Variants in NEDD1 observed in about 807,000 individuals in gnomAD.
The protein encoded by NEDD1 is NEDD1 gamma-tubulin ring complex targeting factor.
In NEDD1, 33 loss-of-function variants were observed where a neutral mutation model predicts 74.0. The observed-to-expected ratio is 0.45, with a 90% confidence interval of 0.34 to 0.60. NEDD1 has a LOEUF of 0.60. Among genes scored for constraint, NEDD1 ranks in the 20% least tolerant of loss-of-function variants. The probability of loss-of-function intolerance (pLI) is 0.01; values close to 1 mark genes in which losing one functional copy is unlikely to be tolerated. For missense variants in NEDD1, 746 were observed against 776.5 expected (o/e 0.96, Z 0.47); for synonymous variants, 250 against 264.4 (o/e 0.95, Z 0.53).
chr12:96,922,986 G>A (rs1315109891), intron 6 of NEDD1, among the ~76,000 whole-genome samples: 4 of 152,124 alleles, frequency 2.6e-5, no homozygotes, highest in Non-Finnish European at 4.4e-5. Flanking sequence ...GCATGGTGGT[G>A]CATGCCAGTA....
At chr12:96,912,330 G>A (rs1047148864) in intron 3 of NEDD1, among the ~76,000 whole-genome samples, 3 of 151,716 alleles carry the variant, frequency 2.0e-5, no homozygotes, top group Non-Finnish European at 4.4e-5. Flanking sequence ...TTGTTACCAA[G>A]CACTAGGTTA....
In NEDD1 at chr12:96,945,860, A is replaced by T; in HGVS notation, c.1811+11A>T. ...GTTGGATGACTTTAGGTAGTAATTG[A>T]GAAACTACTCCTTCTATCTAGACCT... is the stretch of plus-strand genomic sequence containing the variant. On this transcript the variant is annotated intron_variant, in intron 14 of 15. Coordinates refer to ENST00000266742, the MANE Select transcript of NEDD1 (RefSeq NM_152905.4). 6.4e-7 allele frequency: 1 copy of T among 1,564,768 alleles called. No homozygotes were observed. The highest frequency in any genetic ancestry group is 8.8e-7 in the Non-Finnish European group (1 of 1,137,618).
At chr12:96,907,404 G>T (rs1054846835) in intron 1 of NEDD1, 104 bp downstream of exon 1, 1 of 486,174 alleles carries the variant, frequency 2.1e-6, no homozygotes, top group Middle Eastern at 5.4e-4. Flanking sequence ...GCGGGGCGGC[G>T]GTCCTTGGGC....
At position 96,907,777 on chromosome 12, in the gene NEDD1, A is replaced by G; in HGVS notation, c.-88A>G. On this transcript the variant is annotated 5_prime_UTR_variant, in exon 2 of 16. Coordinates refer to ENST00000266742, the MANE Select transcript of NEDD1 (RefSeq NM_152905.4). Reference sequence around the variant, plus strand: ...GCCGACGTTACCGCCTTGTGTCCTGACTGCTAGCTTTCGACGGGACCGTCT... The same window carrying G: ...GCCGACGTTACCGCCTTGTGTCCTGGCTGCTAGCTTTCGACGGGACCGTCT... 1.3e-6 allele frequency: 2 copies of G among 1,515,442 alleles called. No individual in the cohort carries two copies. The highest frequency in any genetic ancestry group is 8.9e-7 in the Non-Finnish European group (1 of 1,129,140). The allele number at this position is 1,515,442 out of a possible 1,614,324, so 93.9% of individuals were successfully genotyped here. A position where few individuals can be genotyped will look rare whatever the true frequency, so the allele number is the denominator to read the frequency against.
intron 4 of NEDD1, among the ~76,000 whole-genome samples, chr12:96,914,223 A>G (rs1199089770): frequency 6.6e-6 from 1 of 152,242 alleles, no homozygotes. Context: ...AAAACTTGTT[A>G]ATGTCAACAT....
chr12:96,929,781 TGGC>T (rs200755650), intron 6 of NEDD1, among the ~76,000 whole-genome samples: 3,843 of 152,196 alleles, frequency 0.025, 99 homozygotes, highest in African/African-American at 0.065. Flanking sequence ...GGACACACTT[TGGC>T]TGGTCAGTTT....
At chr12:96,932,556 G>C in intron 6 of NEDD1, among the ~76,000 whole-genome samples, 1 of 105,008 alleles carries the variant, frequency 9.5e-6, no homozygotes, top group Non-Finnish European at 2.1e-5. Context: ...GTAAATCAGT[G>C]TTTTGTTTAT....
intron 14 of NEDD1, among the ~76,000 whole-genome samples, chr12:96,946,081 C>G (rs1201919895): frequency 2.0e-5 from 3 of 152,040 alleles, no homozygotes; most frequent in Non-Finnish European, 2.9e-5. Context: ...GCAGGGCAGT[C>G]TAGCAGGTAG....
rs765461360 is a variant in NEDD1, at chr12:96,909,776, G to T, written c.17G>T (p.Arg6Ile). The change falls in exon 3 of 16, where the codon AGA becomes ATA. Residue 6 changes from arginine (R) to isoleucine (I), a missense_variant. Around this residue, in one of 3 missense-constraint regions of NEDD1, gnomAD observed 11 missense variants for 19.0 expected, o/e 0.58. Transcript: ENST00000266742. Reference protein sequence around the residue: MQENLRFASSGDDIKI... With the variant: MQENLIFASSGDDIKI... ...GGCGCAGTCATGCAGGAAAACCTCA[G>T]ATTTGCTTCATCAGGAGATGATATT... The T allele has an allele frequency of 6.2e-7, 1 of 1,612,966 alleles. No homozygotes were observed. The highest frequency in any genetic ancestry group is 1.7e-5 in the Admixed American group (1 of 59,910).
intron 9 of NEDD1, among the ~76,000 whole-genome samples, 170 bp from the exon 10 acceptor site, chr12:96,940,239 A>G (rs1033546718): frequency 6.6e-6 from 1 of 151,158 alleles, no homozygotes; most frequent in Non-Finnish European, 1.5e-5. Context: ...TTATTGTTCC[A>G]TGAAAATCCT....
chr12:96,912,827 T>A lies in NEDD1; in HGVS notation c.231+10T>A. ...AGAGCTTGCTGAAGGGGTAAGTGATTTTTTTTTTTTTTAAACTTTTAAAAA... is the reference window on the plus strand; with the variant it reads ...AGAGCTTGCTGAAGGGGTAAGTGATATTTTTTTTTTTTAAACTTTTAAAAA... On this transcript the variant is annotated intron_variant, in intron 4 of 15. Coordinates refer to ENST00000266742, the MANE Select transcript of NEDD1 (RefSeq NM_152905.4). 1 of 1,246,704 alleles carries A rather than the reference T, an allele frequency of 8.0e-7. No homozygotes were observed. Among genetic ancestry groups the A allele is most frequent in the Non-Finnish European group, 1.1e-6 (1 of 895,098 alleles). The allele number at this position is 1,246,704 out of a possible 1,614,324, so 77.2% of individuals were successfully genotyped here. A position where few individuals can be genotyped will look rare whatever the true frequency, so the allele number is the denominator to read the frequency against.
chr12:96,917,548 T>C, intron 4 of NEDD1, 73 bp from the exon 5 acceptor site: 1 of 1,424,760 alleles, frequency 7.0e-7, no homozygotes, highest in Non-Finnish European at 9.2e-7. Context: ...GCTTACTAAG[T>C]GTTGGATGAG....
At chr12:96,923,312 A>C (rs927710900) in intron 6 of NEDD1, among the ~76,000 whole-genome samples, 2 of 151,946 alleles carry the variant, frequency 1.3e-5, no homozygotes, top group Non-Finnish European at 2.9e-5. Flanking sequence ...CAAGGTAGCT[A>C]CTGTGAATAT....
At chr12:96,947,591 A>G (rs1002736636) in intron 14 of NEDD1, among the ~76,000 whole-genome samples, 2 of 152,200 alleles carry the variant, frequency 1.3e-5, no homozygotes, top group African/African-American at 4.8e-5. Flanking sequence ...TTTGGGTGTC[A>G]GTTCACCACT....
intron 9 of NEDD1, among the ~76,000 whole-genome samples, chr12:96,937,834 C>T (rs546618138): frequency 1.3e-5 from 2 of 151,844 alleles, no homozygotes; most frequent in East Asian, 1.9e-4. Flanking sequence ...ATGTAATTGG[C>T]GAAACAGTTC....
chr12:96,952,730 T>C lies in NEDD1; in HGVS notation c.*677T>C, dbSNP rs1441972834. On this transcript the variant is annotated 3_prime_UTR_variant, in exon 16 of 16. Transcript: ENST00000266742. ...AAGATATCTTTACCTATAAAAAATG[T>C]TTAAGGTTCATAGGACTCGACAAGA... The C allele has an allele frequency of 5.3e-5, 8 of 151,708 alleles. No homozygotes were observed. The highest frequency in any genetic ancestry group is 1.0e-4 in the Non-Finnish European group (7 of 67,690). The allele number at this position is 151,708 out of a possible 1,614,324, so 9.4% of individuals were successfully genotyped here.
At position 96,909,911 on chromosome 12, in the gene NEDD1, A is replaced by AC. The variant is rs749424865; in HGVS notation, c.136+16_136+17insC. 3.3e-5 allele frequency: 52 copies of AC among 1,591,994 alleles called. No homozygotes were observed. Among genetic ancestry groups the AC allele is most frequent in the Middle Eastern group, 3.4e-4 (2 of 5,942 alleles). On this transcript the variant is annotated intron_variant, in intron 3 of 15. Transcript: ENST00000266742. Reference sequence around the variant, plus strand: ...AGCAGCAATAGTATCCTTTAAAAAAAAAAAACACACACACACACACACAAA... The same window carrying AC: ...AGCAGCAATAGTATCCTTTAAAAAAACAAAAACACACACACACACACACAAA...
chr12:96,927,975 T>C (rs1367354144), intron 6 of NEDD1, among the ~76,000 whole-genome samples: 1 of 152,178 alleles, frequency 6.6e-6, no homozygotes, highest in East Asian at 1.9e-4. Flanking sequence ...AGTATTGGTA[T>C]ACACTTGACT....
intron 11 of NEDD1, among the ~76,000 whole-genome samples, chr12:96,943,272 G>A (rs1877849403): frequency 6.6e-6 from 1 of 152,012 alleles, no homozygotes; most frequent in South Asian, 2.1e-4. Flanking sequence ...AAAACATTGT[G>A]TTTTGCTGTT....
Sources: gnomAD v4.1 joint callset for allele counts (sites outside exome capture counted in the v4.1 genomes callset) on GRCh38, gnomAD v4.1.1 for gene constraint, gnomAD v4.1.1 regional missense constraint, MANE v1.5 for transcripts, NCBI Gene and HGNC (gene_info 2026-07-23, HGNC 2026-07-21) for gene names.